NAV2: variants seen among roughly 807,000 people sequenced by gnomAD.
NAV2 encodes helicase, APC down-regulated 1.
Under a neutral mutation model 223.2 loss-of-function variants are expected in NAV2, and 54 were observed. That is an observed-to-expected ratio of 0.24 (90% CI 0.19 to 0.30). The LOEUF is 0.30. NAV2 is among the 10% of genes least tolerant of loss of function. The pLI, the probability that NAV2 is intolerant of heterozygous loss-of-function variation, is 1.00. For synonymous variants in NAV2, 1,279 were observed against 1,239.3 expected (o/e 1.03, Z -0.67); for missense variants, 2,806 against 3,147.5 (o/e 0.89, Z 2.60).
intron 35 of NAV2, among the ~76,000 whole-genome samples, chr11:20,106,998 G>T (rs1306159358): frequency 6.9e-6 from 1 of 145,948 alleles, no homozygotes; most frequent in Non-Finnish European, 1.5e-5. Context: ...ATCAAATGTA[G>T]ATGTACCCTC....
Position 19,362,195 on chromosome 11 carries a change from G to A in NAV2, c.75+11168G>A, listed in dbSNP as rs187326776. On this transcript the variant is annotated intron_variant, in intron 1 of 37. Coordinates refer to the NAV2 transcript ENST00000360655. ...GGAAAGTAAAGACTCAGAGAAGTTA[G>A]GTAACTTTCTTATAAGTCCAACAGC... 1.1e-4 allele frequency among the ~76,000 whole-genome samples: 16 copies of A among 152,268 alleles called. No individual in the cohort carries two copies. In the East Asian group the frequency reaches 1.5e-3, roughly 15 times the overall value.
chr11:19,417,826 T>C (rs540777298), intron 1 of NAV2, among the ~76,000 whole-genome samples: 4 of 152,242 alleles, frequency 2.6e-5, no homozygotes, highest in Admixed American at 2.6e-4. Flanking sequence ...TTCAGGGACA[T>C]GGATGAAGCT....
chr11:19,983,903 C>T (rs986202296), intron 10 of NAV2, among the ~76,000 whole-genome samples: 11 of 151,440 alleles, frequency 7.3e-5, no homozygotes, highest in African/African-American at 1.5e-4. Context: ...AAGCTGAGTT[C>T]GCTCTCTTTT....
intron 3 of NAV2, among the ~76,000 whole-genome samples, chr11:19,856,999 A>G (rs1018389550): frequency 2.6e-5 from 4 of 152,240 alleles, no homozygotes; most frequent in African/African-American, 9.6e-5. Context: ...GCTGACTTAC[A>G]CAGGCTGGTG....
At chr11:19,928,255 A>G (rs375581162) in intron 6 of NAV2, among the ~76,000 whole-genome samples, 18 of 152,318 alleles carry the variant, frequency 1.2e-4, no homozygotes, top group African/African-American at 4.3e-4. Context: ...TTAAATCTAC[A>G]TTTAATATCC....
chr11:19,764,119 C>T (rs1289477328), intron 1 of NAV2, among the ~76,000 whole-genome samples: 3 of 152,126 alleles, frequency 2.0e-5, no homozygotes, highest in African/African-American at 7.2e-5. Context: ...CGAACACGTG[C>T]CTTAGTGAAA....
intron 1 of NAV2, among the ~76,000 whole-genome samples, chr11:19,596,984 C>T (rs2046222152): frequency 6.6e-6 from 1 of 152,232 alleles, no homozygotes; most frequent in Non-Finnish European, 1.5e-5. Flanking sequence ...AAGGTGGCCA[C>T]ACCTAGCTGG....
chr11:20,107,595 AT>A, intron 35 of NAV2, 68 bp from the exon 36 acceptor site: 2 of 1,265,478 alleles, frequency 1.6e-6, no homozygotes, highest in Non-Finnish European at 2.3e-6. Context: ...TGCTCGGACC[AT>A]GGCTTCACCT....
intron 4 of NAV2, among the ~76,000 whole-genome samples, chr11:19,870,200 T>C (rs2062390294): frequency 6.6e-6 from 1 of 152,112 alleles, no homozygotes; most frequent in Admixed American, 6.5e-5. Context: ...GTACGGACCC[T>C]CATCCATGGG....
At position 19,364,435 on chromosome 11, in the gene NAV2, TG is replaced by T. The variant is rs1854144524; in HGVS notation, c.75+13409del. 3.3e-5 allele frequency among the ~76,000 whole-genome samples: 5 copies of T among 152,336 alleles called. No homozygotes were observed. In the South Asian group the frequency reaches 1.0e-3, roughly 32 times the overall value. ...TGCTTACTTATTTATTTCCCAAACA[TG>T]TGGCCAGACTTTCTCTTGAACCAAC... On this transcript the variant is annotated intron_variant, in intron 1 of 37. Transcript: ENST00000360655.
chr11:19,826,723 T>G (rs1374426787), intron 1 of NAV2, among the ~76,000 whole-genome samples: 1 of 152,228 alleles, frequency 6.6e-6, no homozygotes, highest in Admixed American at 6.5e-5. Flanking sequence ...TTCTGATTAA[T>G]GAGCCTGAGC....
intron 10 of NAV2, among the ~76,000 whole-genome samples, chr11:19,966,800 G>C (rs926002723): frequency 1.3e-5 from 2 of 152,110 alleles, no homozygotes; most frequent in African/African-American, 4.8e-5. Flanking sequence ...TATGTTCTTT[G>C]GGCTAGTTTG....
chr11:19,676,853 T>C (rs2135850417), intron 1 of NAV2, among the ~76,000 whole-genome samples: 1 of 152,306 alleles, frequency 6.6e-6, no homozygotes, highest in East Asian at 1.9e-4. Flanking sequence ...CCTCTCTTTT[T>C]ACGGGGATAA....
At position 19,564,749 on chromosome 11, in the gene NAV2, C is replaced by T. The variant is rs141170918; in HGVS notation, c.75+213722C>T. 2.0e-5 allele frequency among the ~76,000 whole-genome samples: 3 copies of T among 152,334 alleles called. No individual in the cohort carries two copies. The East Asian group carries it at 5.8e-4, about 29-fold the overall frequency. ...GTGCTATTCTGTACCTCCCACCGGG[C>T]TCCCCAGGAGCATGTCACAGAGGGG... is the stretch of plus-strand genomic sequence containing the variant. On this transcript the variant is annotated intron_variant, in intron 1 of 37. Transcript: ENST00000360655.
At chr11:19,356,088 G>A (rs185098043) in intron 1 of NAV2, among the ~76,000 whole-genome samples, 1 of 152,220 alleles carries the variant, frequency 6.6e-6, no homozygotes, top group Non-Finnish European at 1.5e-5. Flanking sequence ...CTTCTGACAG[G>A]TCACTGCCTG....
At chr11:19,615,953 TA>T (rs998596095) in intron 1 of NAV2, among the ~76,000 whole-genome samples, 15 of 152,282 alleles carry the variant, frequency 9.9e-5, no homozygotes, top group Middle Eastern at 3.4e-3. Context: ...CCTAACCCTG[TA>T]AGCAGAGCGC....
At position 20,056,043 on chromosome 11, in the gene NAV2, C is replaced by T. The variant is rs1486496779; in HGVS notation, c.4831+86C>T. ...AGTTAAGGGTCCTCTATGCTAAGTT[C>T]ACTTCCTTAACCTGAGAGCCCACCT... On this transcript the variant is annotated intron_variant, in intron 19 of 37. Transcript: ENST00000349880. The T allele has an allele frequency of 6.1e-6, 8 of 1,302,582 alleles. No individual in the cohort carries two copies. The Admixed American group carries it at 1.1e-4, about 17-fold the overall frequency. The allele number at this position is 1,302,582 out of a possible 1,614,324, so 80.7% of individuals were successfully genotyped here.
chr11:19,921,903 CAT>C (rs1361881823), intron 6 of NAV2, among the ~76,000 whole-genome samples: 1 of 152,170 alleles, frequency 6.6e-6, no homozygotes, highest in Non-Finnish European at 1.5e-5. Flanking sequence ...TCCTTCTTAA[CAT>C]GTGTTGTTAG....
intron 1 of NAV2, among the ~76,000 whole-genome samples, chr11:19,369,455 A>T (rs1299677011): frequency 1.3e-5 from 2 of 152,188 alleles, no homozygotes; most frequent in African/African-American, 4.8e-5. Context: ...CTCCATAGTT[A>T]TCACTTAATG....
Sources: gnomAD v4.1 joint callset for allele counts (sites outside exome capture counted in the v4.1 genomes callset) on GRCh38, gnomAD v4.1.1 for gene constraint, MANE v1.5 for transcripts, NCBI Gene and HGNC (gene_info 2026-07-23, HGNC 2026-07-21) for gene names.